The following CSMD1 variants were observed in gnomAD, a reference collection of about 807,000 sequenced individuals.
CSMD1 encodes CUB and Sushi multiple domains 1.
Under a neutral mutation model 417.5 loss-of-function variants are expected in CSMD1, and 213 were observed. The ratio of observed to expected loss-of-function variants is 0.51; its 90% CI spans 0.46 to 0.57. The LOEUF is 0.57. CSMD1 is among the 20% of genes least tolerant of loss of function. The pLI is 0.00. For synonymous variants in CSMD1, 2,862 were observed against 1,736.8 expected (o/e 1.65, Z -16.11); for missense variants, 6,923 against 4,529.7 (o/e 1.53, Z -15.17).
intron 1 of CSMD1, among the ~76,000 whole-genome samples, chr8:4,947,916 G>A (rs1273973157): frequency 2.0e-5 from 3 of 151,830 alleles, no homozygotes; most frequent in South Asian, 2.1e-4. Flanking sequence ...TAAGACATTC[G>A]GGTAATTCTT....
intron 12 of CSMD1, among the ~76,000 whole-genome samples, chr8:3,455,187 A>G (rs1271840772): frequency 6.6e-6 from 1 of 151,824 alleles, no homozygotes; most frequent in Non-Finnish European, 1.5e-5. Context: ...ACTTCTCTGC[A>G]TTGGTTATTC....
chr8:4,799,756 C>T (rs1585119045), intron 1 of CSMD1, among the ~76,000 whole-genome samples: 1 of 151,612 alleles, frequency 6.6e-6, no homozygotes, highest in East Asian at 1.9e-4. Flanking sequence ...TTACATTTGA[C>T]CTGGAAATTT....
intron 2 of CSMD1, among the ~76,000 whole-genome samples, chr8:4,571,783 A>C (rs1287958180): frequency 1.3e-5 from 2 of 152,180 alleles, no homozygotes; most frequent in African/African-American, 4.8e-5. Context: ...TACGTCTCTA[A>C]GAACTTGCTT....
intron 3 of CSMD1, among the ~76,000 whole-genome samples, chr8:4,040,063 G>T (rs903475574): frequency 6.6e-6 from 1 of 152,030 alleles, no homozygotes; most frequent in African/African-American, 2.4e-5. Flanking sequence ...CAAATGTTAG[G>T]GAAATAATAC....
At chr8:3,712,345 T>C (rs11993391) in intron 6 of CSMD1, among the ~76,000 whole-genome samples, 5,093 of 150,638 alleles carry the variant, frequency 0.034, 286 homozygotes, top group African/African-American at 0.12. Flanking sequence ...CCCTCAGAGC[T>C]GAGCAGAGAT....
Position 4,240,386 on chromosome 8 carries a change from A to G in CSMD1, c.415+179567T>C, listed in dbSNP as rs1802323030. Among the ~76,000 whole-genome samples, 3 of 152,336 alleles carry G rather than the reference A, an allele frequency of 2.0e-5. No individual in the cohort carries two copies. In the South Asian group the frequency reaches 6.2e-4, roughly 32 times the overall value. ...TCTGGCTATGCCCCATTTTGCAGGC[A>G]TCACAGTTGAGCACCTTTGCCTGCT... On this transcript the variant is annotated intron_variant, in intron 3 of 69. Transcript: ENST00000635120.
intron 5 of CSMD1, among the ~76,000 whole-genome samples, chr8:3,942,447 C>T (rs560034930): frequency 6.4e-4 from 98 of 152,200 alleles, no homozygotes; most frequent in African/African-American, 2.2e-3. Context: ...AACCACACCA[C>T]ACCTGGCCCA....
intron 3 of CSMD1, among the ~76,000 whole-genome samples, chr8:4,276,523 A>G (rs1037160678): frequency 1.3e-5 from 2 of 152,202 alleles, no homozygotes; most frequent in African/African-American, 4.8e-5. Flanking sequence ...GCAAACCACC[A>G]TGGCACATGT....
At chr8:3,192,706 C>G (rs1026145341) in intron 33 of CSMD1, among the ~76,000 whole-genome samples, 1 of 152,096 alleles carries the variant, frequency 6.6e-6, no homozygotes, top group Non-Finnish European at 1.5e-5. Context: ...GTGCATGACA[C>G]AAAGTGTTGA....
At chr8:3,363,819 A>G (rs34464184) in intron 20 of CSMD1, among the ~76,000 whole-genome samples, 36,259 of 152,154 alleles carry the variant, frequency 0.24, 4,416 homozygotes, top group African/African-American at 0.3. Flanking sequence ...CGTCGTAGCG[A>G]GTGGGAAAGT....
At chr8:4,769,394 G>C (rs564010621) in intron 1 of CSMD1, among the ~76,000 whole-genome samples, 1 of 152,208 alleles carries the variant, frequency 6.6e-6, no homozygotes, top group African/African-American at 2.4e-5. Flanking sequence ...GAGCAAACAA[G>C]TGCAATTTTA....
chr8:4,284,237 A>T (rs983094161), intron 3 of CSMD1, among the ~76,000 whole-genome samples: 10 of 152,110 alleles, frequency 6.6e-5, no homozygotes, highest in Non-Finnish European at 1.5e-4. Context: ...GCGTGGTGGC[A>T]CGTGCCTGTA....
chr8:4,563,325 C>T (rs1447775357), intron 2 of CSMD1, among the ~76,000 whole-genome samples: 1 of 152,186 alleles, frequency 6.6e-6, no homozygotes. Flanking sequence ...GGCGTGAACC[C>T]AGGAGATAGA....
intron 2 of CSMD1, among the ~76,000 whole-genome samples, chr8:4,558,494 TTC>T (rs1429543619): frequency 2.6e-5 from 4 of 152,210 alleles, no homozygotes; most frequent in Non-Finnish European, 5.9e-5. Context: ...AGTACAATTA[TTC>T]TCATGGGATT....
intron 28 of CSMD1, among the ~76,000 whole-genome samples, chr8:3,221,824 C>A (rs550143618): frequency 6.6e-6 from 1 of 152,048 alleles, no homozygotes; most frequent in Non-Finnish European, 1.5e-5. Context: ...CAGCCCTGAA[C>A]GAGCCTGGGA....
intron 3 of CSMD1, among the ~76,000 whole-genome samples, chr8:4,384,134 A>G (rs893603482): frequency 7.2e-5 from 11 of 152,148 alleles, no homozygotes; most frequent in Non-Finnish European, 1.2e-4. Context: ...CTTTTATCAT[A>G]CTTGAGCCTC....
At chr8:4,247,097 G>C (rs1269316661) in intron 3 of CSMD1, among the ~76,000 whole-genome samples, 2 of 152,204 alleles carry the variant, frequency 1.3e-5, no homozygotes, top group Non-Finnish European at 2.9e-5. Context: ...GTACGGTCTA[G>C]TGAAGAAAAC....
intron 1 of CSMD1, among the ~76,000 whole-genome samples, chr8:4,687,925 G>A (rs990352449): frequency 3.3e-5 from 5 of 152,082 alleles, no homozygotes; most frequent in Non-Finnish European, 7.4e-5. Context: ...TGTGAATTGT[G>A]ATGGTTGATC....
intron 54 of CSMD1, among the ~76,000 whole-genome samples, chr8:2,993,580 T>C (rs1438120692): frequency 1.3e-5 from 2 of 152,196 alleles, no homozygotes; most frequent in South Asian, 2.1e-4. Flanking sequence ...CCATCTTTTT[T>C]TCATCAAAAG....
Sources: gnomAD v4.1 joint callset for allele counts (sites outside exome capture counted in the v4.1 genomes callset) on GRCh38, gnomAD v4.1.1 for gene constraint, MANE v1.5 for transcripts, NCBI Gene and HGNC (gene_info 2026-07-23, HGNC 2026-07-21) for gene names.